The following DMD variants were observed in gnomAD, a reference collection of about 807,000 sequenced individuals.
DMD encodes the protein mutant dystrophin.
Under a neutral mutation model 330.1 loss-of-function variants are expected in DMD, and 63 were observed. The observed-to-expected ratio is 0.19, with a 90% CI of 0.16 to 0.24. DMD has a LOEUF of 0.24. Ranked by LOEUF, DMD falls within the 10% of genes least tolerant of loss-of-function variation. DMD has a pLI of 1.00. For missense variants in DMD, 3,344 were observed against 2,684.1 expected (o/e 1.25, Z -5.43); for synonymous variants, 1,223 against 959.8 (o/e 1.27, Z -5.07).
At chrX:31,344,556 GAA>G (rs1179822208) in intron 61 of DMD, among the ~76,000 whole-genome samples, 2 of 111,544 alleles carry the variant, frequency 1.8e-5, no homozygotes, top group South Asian at 3.8e-4. Context: ...TGGTTTAAAA[GAA>G]AAGAGAGAGG....
intron 2 of DMD, 91 bp downstream of exon 2, chrX:33,020,048 T>C: frequency 1.5e-6 from 1 of 676,905 alleles, no homozygotes; most frequent in Non-Finnish European, 2.2e-6. Flanking sequence ...ATGAGAGAAA[T>C]AAAACGGATT....
At chrX:32,242,518 T>A (rs755466491) in intron 43 of DMD, among the ~76,000 whole-genome samples, 2 of 112,053 alleles carry the variant, frequency 1.8e-5, no homozygotes, top group South Asian at 7.3e-4. Flanking sequence ...ATATGTCTAT[T>A]TTTTTTCAAT....
intron 67 of DMD, among the ~76,000 whole-genome samples, chrX:31,186,346 T>C (rs2041776130): frequency 8.9e-6 from 1 of 112,067 alleles, no homozygotes; most frequent in South Asian, 3.7e-4. Flanking sequence ...TCATGTTCTT[T>C]GCAGGAACAT....
At chrX:32,749,860 A>C (rs186025673) in intron 7 of DMD, among the ~76,000 whole-genome samples, 12 of 112,095 alleles carry the variant, frequency 1.1e-4, no homozygotes, top group Non-Finnish European at 2.1e-4. Context: ...TATGTGGCTA[A>C]CACCACACAT....
At chrX:32,221,367 A>T (rs1041477381) in intron 43 of DMD, among the ~76,000 whole-genome samples, 1 of 110,216 alleles carries the variant, frequency 9.1e-6, no homozygotes, top group Admixed American at 9.8e-5. Flanking sequence ...TAAGTTAGTT[A>T]TCTGCCCCAA....
At chrX:31,414,781 A>G (rs2061796536) in intron 60 of DMD, among the ~76,000 whole-genome samples, 1 of 112,080 alleles carries the variant, frequency 8.9e-6, no homozygotes, top group Non-Finnish European at 1.9e-5. Context: ...GATTTCTACA[A>G]TCCTTGGGGA....
intron 55 of DMD, among the ~76,000 whole-genome samples, chrX:31,585,323 CAAA>C (rs1213158531): frequency 0.21 from 7,315 of 35,399 alleles, 224 homozygotes; most frequent in Middle Eastern, 0.3. Context: ...GACCCTGTCT[CAAA>C]AAAAAAAAAA....
At chrX:32,481,107 T>C (rs1367822629) in intron 21 of DMD, among the ~76,000 whole-genome samples, 4 of 110,852 alleles carry the variant, frequency 3.6e-5, no homozygotes, top group Admixed American at 9.6e-5. Context: ...AGACTAACCA[T>C]AGAGCTTGAA....
intron 45 of DMD, among the ~76,000 whole-genome samples, chrX:31,948,030 C>T (rs1163246855): frequency 9.0e-6 from 1 of 111,155 alleles, no homozygotes; most frequent in African/African-American, 3.3e-5. Context: ...CCAGTTCCCC[C>T]TTCGCCCAGC....
intron 9 of DMD, among the ~76,000 whole-genome samples, chrX:32,655,594 G>A (rs1029418137): frequency 4.5e-5 from 5 of 111,986 alleles, no homozygotes; most frequent in African/African-American, 1.6e-4. Context: ...GTGATGTGGT[G>A]CTGAGAAGAA....
chrX:32,447,565 T>C (rs889671085), intron 27 of DMD, among the ~76,000 whole-genome samples: 1 of 111,590 alleles, frequency 9.0e-6, no homozygotes, highest in Admixed American at 9.5e-5. Context: ...CTGAATCGTA[T>C]CTTTCTTTAA....
rs772021013 is a variant in DMD at position 32,810,263 on chromosome X, A to G, written c.531-652T>C. 8.0e-5 allele frequency among the ~76,000 whole-genome samples: 9 copies of G among 112,184 alleles called. No homozygotes were observed. In the South Asian group the frequency reaches 3.3e-3, roughly 41 times the overall value. ...TAGCTTATCCAAGCAACAAAAATTT[A>G]TCTATCTCATCCAGTCTCGTGGATT... On this transcript the variant is annotated intron_variant, in intron 6 of 78. Coordinates refer to ENST00000357033, the MANE Select transcript of DMD (RefSeq NM_004006.3).
intron 54 of DMD, among the ~76,000 whole-genome samples, chrX:31,639,268 G>A (rs1682541287): frequency 9.0e-6 from 1 of 111,606 alleles, no homozygotes; most frequent in Non-Finnish European, 1.9e-5. Context: ...TCTGTGGAGA[G>A]GGAATGAAGA....
At position 31,351,725 on chromosome X, in the gene DMD, C is replaced by CAAAAAAAAAAAAA. The variant is rs3061693; in HGVS notation, c.9085-3104_9085-3092dup. On this transcript the variant is annotated intron_variant, in intron 60 of 78. Coordinates refer to ENST00000357033, the MANE Select transcript of DMD (RefSeq NM_004006.3). Reference sequence around the variant, plus strand: ...TAGGTAACAGAACAAGACTCCATCTCAAAAAAAAAAAAAAAAAAAGCAAAA... The same window carrying CAAAAAAAAAAAAA: ...TAGGTAACAGAACAAGACTCCATCTCAAAAAAAAAAAAAAAAAAAAAAAAAAAAAAAAGCAAAA... 5.4e-3 allele frequency among the ~76,000 whole-genome samples: 284 copies of CAAAAAAAAAAAAA among 52,969 alleles called. 3 individuals carry two copies. Among genetic ancestry groups the CAAAAAAAAAAAAA allele is most frequent in the Middle Eastern group, 0.011 (1 of 87 alleles). The allele number at this position is 52,969 out of a possible 115,157, so 46.0% of individuals were successfully genotyped here.
At chrX:33,177,179 C>G (rs1448922900) in intron 1 of DMD, among the ~76,000 whole-genome samples, 1 of 110,772 alleles carries the variant, frequency 9.0e-6, no homozygotes, top group Non-Finnish European at 1.9e-5. Context: ...GCACATATGG[C>G]CTTTCAGGCT....
At chrX:33,005,041 C>G (rs1476701980) in intron 2 of DMD, among the ~76,000 whole-genome samples, 2 of 110,731 alleles carry the variant, frequency 1.8e-5, no homozygotes, top group Non-Finnish European at 3.8e-5. Flanking sequence ...TTTGTGTGAT[C>G]TCTTGAGGTA....
chrX:32,153,059 G>A (rs930062895), intron 44 of DMD, among the ~76,000 whole-genome samples: 3 of 112,001 alleles, frequency 2.7e-5, no homozygotes, highest in African/African-American at 9.7e-5. Context: ...CTTATCAGAT[G>A]AGTTTGTAGT....
At chrX:31,401,867 T>C (rs1427440406) in intron 60 of DMD, among the ~76,000 whole-genome samples, 1 of 111,517 alleles carries the variant, frequency 9.0e-6, no homozygotes, top group East Asian at 2.8e-4. Flanking sequence ...TGTAGTTTGC[T>C]GTCCCCTGCT....
At chrX:32,251,127 C>T (rs938932297) in intron 43 of DMD, among the ~76,000 whole-genome samples, 18 of 109,240 alleles carry the variant, frequency 1.6e-4, no homozygotes, top group Middle Eastern at 4.3e-3. Flanking sequence ...CACCATAGCA[C>T]GTGTATACCT....
Sources: allele counts gnomAD v4.1 joint callset (sites outside exome capture counted in the v4.1 genomes callset), GRCh38; gene constraint gnomAD v4.1.1; transcripts MANE v1.5; gene names NCBI Gene and HGNC (gene_info 2026-07-23, HGNC 2026-07-21).